STAC2: variants seen among roughly 807,000 people sequenced by gnomAD.
The protein encoded by STAC2 is SH3 and cysteine rich domain 2.
In STAC2, 36 loss-of-function variants were observed where a neutral mutation model predicts 49.0. The observed-to-expected ratio is 0.74, with a 90% CI of 0.56 to 0.97. The LOEUF is 0.97. STAC2 is among the 50% of genes least tolerant of loss of function. The pLI is 0.00. For missense variants in STAC2, 527 were observed against 543.8 expected, an observed-to-expected ratio of 0.97 and a Z score of 0.31; for synonymous variants, 239 against 214.7, an observed-to-expected ratio of 1.11 and a Z score of -0.99.
intron 1 of STAC2, among the ~76,000 whole-genome samples, chr17:39,220,520 G>A (rs1290680732): frequency 2.6e-5 from 4 of 151,856 alleles, no homozygotes; most frequent in African/African-American, 9.7e-5. Context: ...TGTCACCCAG[G>A]CTGGAGTGCA....
rs371443658 is a variant in STAC2 at position 39,218,167 on chromosome 17, G to A, written c.97C>T (p.Arg33Ter). The change falls in exon 2 of 11, where the codon CGA becomes TGA. Residue 33 changes from arginine (R) to a stop codon, truncating the protein, a stop_gained. Transcript: ENST00000333461. LOFTEE classifies it high-confidence loss of function. ...VSALQETKLQRFKRSLSLKTI... is the reference protein window; with the variant it reads ...VSALQETKLQ ...TTGAGGGAGAGGGAGCGCTTGAATCGCTGGAGCTGGGAGAAAAAGAGGGAG... is the reference window on the plus strand; with the variant it reads ...TTGAGGGAGAGGGAGCGCTTGAATCACTGGAGCTGGGAGAAAAAGAGGGAG... 4.3e-6 allele frequency: 7 copies of A among 1,613,250 alleles called. No individual in the cohort carries two copies. Among genetic ancestry groups the A allele is most frequent in the African/African-American group, 4.0e-5 (3 of 74,916 alleles).
Position 39,215,238 on chromosome 17 carries a change from T to C in STAC2, c.587-8A>G. On this transcript the variant is annotated splice_polypyrimidine_tract_variant and splice_region_variant and intron_variant, in intron 4 of 10. Coordinates refer to ENST00000333461, the MANE Select transcript of STAC2 (RefSeq NM_198993.5). ...CCACCTTCCCACTGTCCCCTGCAGA[T>C]TATCCACCCTCAAGGCCTGGCTCTG... is the stretch of plus-strand genomic sequence containing the variant. 6.2e-7 allele frequency: 1 copy of C among 1,613,650 alleles called. No individual in the cohort carries two copies. The highest frequency in any genetic ancestry group is 8.5e-7 in the Non-Finnish European group (1 of 1,179,796).
In STAC2 at chr17:39,213,075, G is replaced by C. The variant is rs753617892; in HGVS notation, c.1051C>G (p.Pro351Ala). 1.9e-6 allele frequency: 3 copies of C among 1,613,246 alleles called. No homozygotes were observed. The East Asian group carries it at 6.7e-5, about 36-fold the overall frequency. Reference sequence around the variant, plus strand: ...CAGCAGCGCCAAACATTCTCGCCTGGCCTCACCCGTTGCACAAAATTAGCT... The same window carrying C: ...CAGCAGCGCCAAACATTCTCGCCTGCCCTCACCCGTTGCACAAAATTAGCT... ...FPANFVQRVRPGENVWRCCQP... is the reference protein window; with the variant it reads ...FPANFVQRVRAGENVWRCCQP... Residue 351 changes from proline (P) to alanine (A), a missense_variant, in exon 10 of 11, where the codon CCA becomes GCA. Coordinates refer to ENST00000333461, the MANE Select transcript of STAC2 (RefSeq NM_198993.5).
rs750692481 is a variant in STAC2 at position 39,225,386 on chromosome 17, G to A, written c.90+27C>T. On this transcript the variant is annotated intron_variant, in intron 1 of 10. Coordinates refer to ENST00000333461, the MANE Select transcript of STAC2 (RefSeq NM_198993.5). This position sits in a 1 kb window ranked among gnomAD's most constrained non-coding sequence, Gnocchi z 8.2. ...AAGAGGGCGCCCGGGCCCGGGGCGC[G>A]GACAGGCCTTGCGCCCCCCAAGTTA... 8 of 1,575,004 alleles carry A rather than the reference G, an allele frequency of 5.1e-6. No individual in the cohort carries two copies. The highest frequency in any genetic ancestry group is 6.9e-6 in the Non-Finnish European group (8 of 1,164,230).
chr17:39,221,199 G>T (rs553089865), intron 1 of STAC2, among the ~76,000 whole-genome samples: 4 of 149,062 alleles, frequency 2.7e-5, no homozygotes. Context: ...AGGTTCAAGC[G>T]ATTCTCCTGC....
At chr17:39,224,499 G>A (rs934504976) in intron 1 of STAC2, among the ~76,000 whole-genome samples, 7 of 152,222 alleles carry the variant, frequency 4.6e-5, no homozygotes, top group Admixed American at 3.9e-4. Flanking sequence ...TTAGAGGTCG[G>A]GGGAGTGCTG....
chr17:39,212,870 C>T (rs1216797512), intron 10 of STAC2, 125 bp downstream of exon 10: 7 of 1,465,922 alleles, frequency 4.8e-6, no homozygotes, highest in South Asian at 2.7e-5. Flanking sequence ...CTTTCTAACC[C>T]GCTTTCCCCT....
At position 39,221,801 on chromosome 17, in the gene STAC2, C is replaced by T. The variant is rs575577829; in HGVS notation, c.90+3612G>A. The stretch of plus-strand genomic sequence containing the variant: ...TGGGCCCTGCCTGGGCCATCACCCT[C>T]ACCTCTCAGCTGGGCCAGGGGCTTG... On this transcript the variant is annotated intron_variant, in intron 1 of 10. Transcript: ENST00000333461. 6.6e-5 allele frequency among the ~76,000 whole-genome samples: 10 copies of T among 152,304 alleles called. No homozygotes were observed. The South Asian group carries it at 2.1e-3, about 32-fold the overall frequency.
In STAC2 at chr17:39,210,651, G is replaced by T. The variant is rs950045309; in HGVS notation, c.*1641C>A. On this transcript the variant is annotated 3_prime_UTR_variant, in exon 11 of 11. Coordinates refer to ENST00000333461, the MANE Select transcript of STAC2 (RefSeq NM_198993.5). ...GCCCGCCCCTGGGATATTGCTGGGGGGGGGGGCCTCATGGCAGCAAACAGG... is the reference window on the plus strand; with the variant it reads ...GCCCGCCCCTGGGATATTGCTGGGGTGGGGGGCCTCATGGCAGCAAACAGG... 3 of 152,578 alleles carry T rather than the reference G, an allele frequency of 2.0e-5. No individual in the cohort carries two copies. The highest frequency in any genetic ancestry group is 2.9e-5 in the Non-Finnish European group (2 of 68,110). 9.5% of individuals were successfully genotyped at this position (152,578 alleles called of 1,614,324 possible). A position where few individuals can be genotyped will look rare whatever the true frequency, so the allele number is the denominator to read the frequency against.
At position 39,210,840 on chromosome 17, in the gene STAC2, G is replaced by A. The variant is rs1200781615; in HGVS notation, c.*1452C>T. 1.3e-5 allele frequency: 2 copies of A among 152,390 alleles called. No homozygotes were observed. The highest frequency in any genetic ancestry group is 4.2e-4 in the South Asian group (2 of 4,790). 9.4% of individuals were successfully genotyped at this position (152,390 alleles called of 1,614,324 possible). A position where few individuals can be genotyped will look rare whatever the true frequency, so the allele number is the denominator to read the frequency against. On this transcript the variant is annotated 3_prime_UTR_variant, in exon 11 of 11. Transcript: ENST00000333461. ...GGCATAAGAGGAGGATCTGAGCTTG[G>A]GGGAGGGAGGTTGGCACCGAGAAAA...
intron 7 of STAC2, 27 bp from the exon 8 acceptor site, chr17:39,214,357 C>T (rs751668965): frequency 1.2e-6 from 2 of 1,613,280 alleles, no homozygotes; most frequent in African/African-American, 1.3e-5. Context: ...GGGTCGGTGA[C>T]CGGAAAGCAG....
chr17:39,213,781 A>G (rs2046376371), intron 8 of STAC2, among the ~76,000 whole-genome samples: 2 of 148,766 alleles, frequency 1.3e-5, no homozygotes, highest in Admixed American at 6.8e-5. Flanking sequence ...GGTTCAAGCC[A>G]TTCTCCTGCC....
Position 39,212,387 on chromosome 17 carries a change from C to T in STAC2, c.1141G>A (p.Gly381Ser). The T allele has an allele frequency of 6.2e-7, 1 of 1,607,282 alleles. No homozygotes were observed. Among genetic ancestry groups the T allele is most frequent in the Non-Finnish European group, 8.5e-7 (1 of 1,176,304 alleles). Reference protein sequence around the residue: ...MSLKENQICVGVGRSKDADGF... With the variant: ...MSLKENQICVSVGRSKDADGF... ...TCAGCATCCTTGCTTCTGCCCACGC[C>T]CACGCAGATCTGAGCCAGAGAGACA... Residue 381 changes from glycine (G) to serine (S), a missense_variant, in exon 11 of 11, where the codon GGC (glycine) becomes AGC (serine). Transcript: ENST00000333461.
intron 7 of STAC2, 44 bp downstream of exon 7, chr17:39,214,747 G>A (rs773118923): frequency 3.3e-5 from 53 of 1,603,106 alleles, no homozygotes; most frequent in East Asian, 2.2e-4. Context: ...AATTACACCC[G>A]CTTCCCACCC....
intron 10 of STAC2, 144 bp from the exon 11 acceptor site, chr17:39,212,540 G>T (rs2046363803): frequency 4.7e-6 from 3 of 642,574 alleles, no homozygotes. Context: ...GGAGTGATGG[G>T]ACCAGATCCC....
rs555370172 is a variant in STAC2, at chr17:39,217,966, G to A, written c.298C>T (p.Arg100Cys). The A allele has an allele frequency of 3.8e-4, 602 of 1,592,654 alleles. 15 individuals are homozygous for A. The South Asian group carries it at 6.5e-3, about 17-fold the overall frequency. The change falls in exon 2 of 11, where the codon CGC becomes TGC. Residue 100 changes from arginine to cysteine, a missense_variant. Coordinates refer to ENST00000333461, the MANE Select transcript of STAC2 (RefSeq NM_198993.5). ...TPSPSPCPVP[R>C]PLAALKPVRL... ...ACTGGTTTGAGCGCTGCCAGGGGGC[G>A]TGGGACTGGGCATGGGGAGGGGGAT... is the stretch of plus-strand genomic sequence containing the variant.
chr17:39,225,412 C>T lies in STAC2; in HGVS notation c.90+1G>A. The T allele has an allele frequency of 6.2e-7, 1 of 1,601,456 alleles. No homozygotes were observed. Among genetic ancestry groups the T allele is most frequent in the Non-Finnish European group, 8.5e-7 (1 of 1,176,384 alleles). ...GACAGGCCTTGCGCCCCCCAAGTTA[C>T]CTTGGTTTCCTGGAGGGCGGAGACG... On this transcript the variant is annotated splice_donor_variant, in intron 1 of 10. Coordinates refer to ENST00000333461, the MANE Select transcript of STAC2 (RefSeq NM_198993.5). LOFTEE classifies it high-confidence loss of function. The surrounding 1 kb of genome is among the most constrained non-coding windows in gnomAD (Gnocchi z 8.2).
rs751141576 is a variant in STAC2 at position 39,215,094 on chromosome 17, A to AC, written c.699+23dup. The stretch of plus-strand genomic sequence containing the variant: ...ATGCTCAGACACCCCTCCCCAAAAG[A>AC]CCCCCCCTTTTTGCCCACCATACCA... On this transcript the variant is annotated intron_variant, in intron 5 of 10. Coordinates refer to ENST00000333461, the MANE Select transcript of STAC2 (RefSeq NM_198993.5). The AC allele has an allele frequency of 1.3e-5, 21 of 1,610,182 alleles. No homozygotes were observed. In the East Asian group the frequency reaches 3.4e-4, roughly 26 times the overall value.
At chr17:39,214,759 G>T in intron 7 of STAC2, 32 bp downstream of exon 7, 1 of 1,611,188 alleles carries the variant, frequency 6.2e-7, no homozygotes, top group South Asian at 1.1e-5. Flanking sequence ...TTCCCACCCT[G>T]ACCTTCCGGG....
Sources: gnomAD v4.1 joint callset for allele counts (sites outside exome capture counted in the v4.1 genomes callset) on GRCh38, gnomAD v4.1.1 for gene constraint, Gnocchi (gnomAD v3.1) non-coding constraint, MANE v1.5 for transcripts, NCBI Gene and HGNC (gene_info 2026-07-23, HGNC 2026-07-21) for gene names.